C4orf50: variants seen among roughly 807,000 people sequenced by gnomAD.
C4orf50 encodes the protein uncharacterized protein C4orf50.
Under a neutral mutation model 77.2 loss-of-function variants are expected in C4orf50, and 80 were observed. The observed-to-expected ratio is 1.04, with a 90% CI of 0.87 to 1.25. The LOEUF (loss-of-function observed/expected upper bound fraction) is 1.25. Among genes scored for constraint, C4orf50 ranks in the 50% most tolerant of loss-of-function variants. The probability of loss-of-function intolerance (pLI) is 0.00; values close to 1 mark genes in which losing one functional copy is unlikely to be tolerated. For missense variants in C4orf50, 1,257 were observed against 1,152.9 expected, an observed-to-expected ratio of 1.09 and a Z score of -1.31; for synonymous variants, 532 against 465.3, an observed-to-expected ratio of 1.14 and a Z score of -1.84.
chr4:5,980,666 G>C (rs1720533981), intron 28 of C4orf50, among the ~76,000 whole-genome samples: 2 of 152,118 alleles, frequency 1.3e-5, no homozygotes, highest in African/African-American at 2.4e-5. Flanking sequence ...CAGAATAACA[G>C]CCTGGAATAT....
intron 7 of C4orf50, among the ~76,000 whole-genome samples, chr4:5,917,496 C>T (rs1717082790): frequency 1.4e-5 from 2 of 142,694 alleles, no homozygotes; most frequent in South Asian, 4.6e-4. Flanking sequence ...TCACTGAAAC[C>T]TTTGCCTTCC....
rs1370875769 is a variant in C4orf50 at position 5,990,836 on chromosome 4, G to A, written c.1222-12C>T. ...TCTGCCAGAGTAAGCTACAAATGGA[G>A]AGAGAAGATGAGGTGTGAAACAGCC... On this transcript the variant is annotated splice_polypyrimidine_tract_variant and intron_variant, in intron 27 of 33. Coordinates refer to ENST00000531445, the Ensembl canonical transcript of C4orf50. 5 of 398,988 alleles carry A rather than the reference G, an allele frequency of 1.3e-5. No homozygotes were observed. The highest frequency in any genetic ancestry group is 8.2e-5 in the African/African-American group (4 of 48,616). 24.7% of individuals were successfully genotyped at this position (398,988 alleles called of 1,614,324 possible). A position where few individuals can be genotyped will look rare whatever the true frequency, so the allele number is the denominator to read the frequency against.
intron 7 of C4orf50, among the ~76,000 whole-genome samples, chr4:5,927,068 G>A (rs959342948): frequency 1.7e-4 from 26 of 152,194 alleles, no homozygotes; most frequent in African/African-American, 5.5e-4. Context: ...GGGGAAGATA[G>A]GGAGCAGATG....
At chr4:5,989,180 C>T in exon 28 of C4orf50, 1 of 1,536,088 alleles carries the variant, frequency 6.5e-7, no homozygotes, top group Non-Finnish European at 8.7e-7. Flanking sequence ...CACACTCTTT[C>T]ATGGAACCTC....
intron 31 of C4orf50, among the ~76,000 whole-genome samples, chr4:5,969,825 A>G (rs556113241): frequency 6.6e-6 from 1 of 152,108 alleles, no homozygotes; most frequent in African/African-American, 2.4e-5. Context: ...CTGCAGGTGA[A>G]TCTCCCAGGG....
intron 7 of C4orf50, among the ~76,000 whole-genome samples, chr4:5,922,052 A>C (rs1446280505): frequency 6.6e-6 from 1 of 152,186 alleles, no homozygotes; most frequent in Non-Finnish European, 1.5e-5. Flanking sequence ...CAAGCAGGAA[A>C]GTGATGAGAG....
At chr4:5,911,976 G>A (rs1716826055) in intron 7 of C4orf50, among the ~76,000 whole-genome samples, 1 of 152,160 alleles carries the variant, frequency 6.6e-6, no homozygotes, top group Non-Finnish European at 1.5e-5. Flanking sequence ...AACCCCGGAG[G>A]CGGAGGTTGC....
At chr4:5,937,742 T>C (rs1718090220) in intron 7 of C4orf50, among the ~76,000 whole-genome samples, 1 of 151,996 alleles carries the variant, frequency 6.6e-6, no homozygotes, top group Non-Finnish European at 1.5e-5. Context: ...TGGGAAAAGG[T>C]GTACCAAGCA....
chr4:5,954,306 C>G (rs1216609638), downstream of C4orf50, among the ~76,000 whole-genome samples: 1 of 152,054 alleles, frequency 6.6e-6, no homozygotes, highest in African/African-American at 2.4e-5. This position sits in a 1 kb window ranked among gnomAD's most constrained non-coding sequence, Gnocchi z 4.7. Context: ...GGACCCAGCC[C>G]CGGGGCTGGG....
Position 5,943,009 on chromosome 4 carries a change from GTTTAAAATATGTTTCTTTCTCTC to G in C4orf50, c.*2474+13869_*2474+13891del, listed in dbSNP as rs564349075. Among the ~76,000 whole-genome samples the G allele has an allele frequency of 2.3e-4, 35 of 152,180 alleles. 1 individual carries two copies. The South Asian group carries it at 6.4e-3, about 28-fold the overall frequency. On this transcript the variant is annotated intron_variant, in intron 7 of 7. Coordinates refer to the C4orf50 transcript ENST00000324058. ...TAATTTTTATAAGCAGAAAAATGTT[GTTTAAAATATGTTTCTTTCTCTC>G]TGCTGTGCCAGGCTTGGTTAGGCAC...
chr4:5,921,636 G>C (rs1388442266), intron 7 of C4orf50, among the ~76,000 whole-genome samples: 4 of 152,118 alleles, frequency 2.6e-5, no homozygotes, highest in Non-Finnish European at 5.9e-5. Flanking sequence ...GGAGCCACCG[G>C]GTGGGTAAGT....
intron 7 of C4orf50, among the ~76,000 whole-genome samples, chr4:5,950,169 G>A (rs531758207): frequency 3.3e-5 from 5 of 152,196 alleles, no homozygotes; most frequent in Non-Finnish European, 5.9e-5. Context: ...ATCACAGTGC[G>A]AAGACCTTAT....
intron 33 of C4orf50, among the ~76,000 whole-genome samples, chr4:5,960,843 A>C (rs963499372): frequency 2.0e-5 from 3 of 152,008 alleles, no homozygotes; most frequent in Admixed American, 6.6e-5. Flanking sequence ...AGGAGTCTGG[A>C]CTCCATCTTA....
intron 25 of C4orf50, among the ~76,000 whole-genome samples, chr4:5,995,048 C>A (rs922304536): frequency 6.6e-6 from 1 of 152,136 alleles, no homozygotes; most frequent in Non-Finnish European, 1.5e-5. Context: ...TCACCCCCTG[C>A]CCATGGAAAA....
intron 25 of C4orf50, among the ~76,000 whole-genome samples, chr4:5,997,685 T>C (rs561777226): frequency 1.3e-5 from 2 of 152,374 alleles, no homozygotes; most frequent in African/African-American, 4.8e-5. Flanking sequence ...TATCAGGATA[T>C]CCGGGCATAA....
intron 33 of C4orf50, among the ~76,000 whole-genome samples, chr4:5,962,581 C>T (rs1042180506): frequency 5.9e-5 from 9 of 152,212 alleles, no homozygotes; most frequent in African/African-American, 1.4e-4. Context: ...CTCTCAACCC[C>T]GCCCCCATCC....
intron 25 of C4orf50, among the ~76,000 whole-genome samples, chr4:6,003,547 A>G (rs1471377550): frequency 6.4e-5 from 9 of 139,642 alleles, no homozygotes; most frequent in African/African-American, 2.2e-4. Context: ...GGTGATGGTG[A>G]CTGTGATGGT....
intron 31 of C4orf50, among the ~76,000 whole-genome samples, chr4:5,972,114 C>T (rs1719963498): frequency 6.6e-6 from 1 of 151,750 alleles, no homozygotes; most frequent in Non-Finnish European, 1.5e-5. Flanking sequence ...AAGAGATTCT[C>T]CTGCCTCAGC....
At position 5,916,397 on chromosome 4, in the gene C4orf50, G is replaced by C. The variant is rs1717029737; in HGVS notation, c.*2475-18209C>G. Among the ~76,000 whole-genome samples, 1 of 152,006 alleles carries C rather than the reference G, an allele frequency of 6.6e-6. No homozygotes were observed. The highest frequency in any genetic ancestry group is 2.4e-5 in the African/African-American group (1 of 41,278). ...GCCTTGGGTCCCTGCCCACCACAGAGAAGGCTGGGAGCCAGGACCTGCCCC... is the reference window on the plus strand; with the variant it reads ...GCCTTGGGTCCCTGCCCACCACAGACAAGGCTGGGAGCCAGGACCTGCCCC... On this transcript the variant is annotated intron_variant, in intron 7 of 7. Coordinates refer to the C4orf50 transcript ENST00000324058. The surrounding 1 kb of genome is among the most constrained non-coding windows in gnomAD (Gnocchi z 4.4).
Sources: allele counts gnomAD v4.1 joint callset (sites outside exome capture counted in the v4.1 genomes callset), GRCh38; gene constraint gnomAD v4.1.1; non-coding constraint Gnocchi (gnomAD v3.1); transcripts MANE v1.5; gene names NCBI Gene and HGNC (gene_info 2026-07-23, HGNC 2026-07-21).